PPP2CA: variants seen among roughly 807,000 people sequenced by gnomAD.
PPP2CA encodes the protein serine/threonine-protein phosphatase 2A catalytic subunit alpha isoform.
PPP2CA carries 5 observed loss-of-function variants against 38.8 expected under a neutral mutation model. The observed-to-expected ratio is 0.13, with a 90% CI of 0.07 to 0.27. The LOEUF (loss-of-function observed/expected upper bound fraction) is 0.27. Among genes scored for constraint, PPP2CA ranks in the 10% least tolerant of loss-of-function variants. PPP2CA has a pLI of 1.00. For synonymous variants in PPP2CA, 152 were observed against 134.0 expected, an observed-to-expected ratio of 1.13 and a Z score of -0.93; for missense variants, 88 against 389.7, an observed-to-expected ratio of 0.23 and a Z score of 6.52.
At chr5:134,210,456 C>T (rs910925321) in intron 1 of PPP2CA, among the ~76,000 whole-genome samples, 1 of 152,152 alleles carries the variant, frequency 6.6e-6, no homozygotes, top group African/African-American at 2.4e-5. Context: ...CATACCAAAC[C>T]TTTTGCTTCC....
At chr5:134,199,654 G>T (rs1761932808) in intron 5 of PPP2CA, among the ~76,000 whole-genome samples, 1 of 152,298 alleles carries the variant, frequency 6.6e-6, no homozygotes. Context: ...TCAGTCACAG[G>T]TAAAGGCCTG....
chr5:134,225,029 CAT>C, intron 1 of PPP2CA, among the ~76,000 whole-genome samples: 1 of 152,332 alleles, frequency 6.6e-6, no homozygotes, highest in East Asian at 1.9e-4. Flanking sequence ...GCATATAAAT[CAT>C]ATTCAACCGA....
At chr5:134,217,468 A>C (rs1202860336) in intron 1 of PPP2CA, among the ~76,000 whole-genome samples, 1 of 152,228 alleles carries the variant, frequency 6.6e-6, no homozygotes, top group African/African-American at 2.4e-5. Flanking sequence ...TAAGAACTGA[A>C]ATCATTTGAA....
chr5:134,213,113 C>G (rs1051433214), intron 1 of PPP2CA, among the ~76,000 whole-genome samples: 1 of 152,182 alleles, frequency 6.6e-6, no homozygotes, highest in South Asian at 2.1e-4. Flanking sequence ...GACGAAATAG[C>G]CTTCTAGTGG....
intron 1 of PPP2CA, among the ~76,000 whole-genome samples, chr5:134,218,962 C>T (rs1281106380): frequency 6.6e-6 from 1 of 152,218 alleles, no homozygotes; most frequent in Non-Finnish European, 1.5e-5. Flanking sequence ...AGCCACTGTG[C>T]CCCGCCAGCC....
chr5:134,215,979 C>T (rs1466402792), intron 1 of PPP2CA, among the ~76,000 whole-genome samples: 4 of 152,134 alleles, frequency 2.6e-5, no homozygotes, highest in Non-Finnish European at 5.9e-5. Flanking sequence ...CTCTGATGGA[C>T]AACAGAGTAC....
At chr5:134,215,176 C>A (rs979638666) in intron 1 of PPP2CA, among the ~76,000 whole-genome samples, 3 of 150,990 alleles carry the variant, frequency 2.0e-5, no homozygotes, top group South Asian at 2.1e-4. Context: ...CAGCTCATTG[C>A]AGTCTAGATC....
intron 1 of PPP2CA, among the ~76,000 whole-genome samples, chr5:134,221,767 C>G (rs767875149): frequency 5.3e-5 from 8 of 151,848 alleles, no homozygotes; most frequent in Non-Finnish European, 7.4e-5. Context: ...GTCAGGAGTT[C>G]GAGACTAGCC....
At chr5:134,198,888 A>T (rs1006238516) in intron 6 of PPP2CA, among the ~76,000 whole-genome samples, 198 bp downstream of exon 6, 4 of 152,014 alleles carry the variant, frequency 2.6e-5, no homozygotes, top group African/African-American at 9.7e-5. Context: ...CCTCACATTT[A>T]AACTATGTAT....
At chr5:134,199,291 T>G in intron 5 of PPP2CA, 87 bp from the exon 6 acceptor site, 1 of 981,032 alleles carries the variant, frequency 1.0e-6, no homozygotes, top group East Asian at 2.4e-5. Flanking sequence ...AAATCTCTAC[T>G]CATTCCCACC....
At chr5:134,214,624 T>C (rs1039806078) in intron 1 of PPP2CA, among the ~76,000 whole-genome samples, 1 of 152,238 alleles carries the variant, frequency 6.6e-6, no homozygotes. Flanking sequence ...TTATTCCATG[T>C]TTATTTACCA....
At chr5:134,200,299 A>C (rs954493646) in intron 5 of PPP2CA, 36 bp downstream of exon 5, 1 of 1,557,572 alleles carries the variant, frequency 6.4e-7, no homozygotes, top group East Asian at 2.3e-5. Context: ...TAAGTTTACT[A>C]AAAAAACAAG....
At chr5:134,215,870 G>A (rs1762308608) in intron 1 of PPP2CA, among the ~76,000 whole-genome samples, 1 of 152,192 alleles carries the variant, frequency 6.6e-6, no homozygotes, top group Non-Finnish European at 1.5e-5. Context: ...AGATGAGACT[G>A]AGATAATAAC....
chr5:134,204,299 A>C (rs781203288), intron 2 of PPP2CA, among the ~76,000 whole-genome samples: 5 of 152,252 alleles, frequency 3.3e-5, no homozygotes, highest in Non-Finnish European at 5.9e-5. Flanking sequence ...AAAGTCAAAC[A>C]ATTTATTTAA....
intron 1 of PPP2CA, 167 bp downstream of exon 1, chr5:134,225,593 G>A (rs1762555628): frequency 5.6e-6 from 3 of 531,834 alleles, no homozygotes; most frequent in Non-Finnish European, 9.7e-6. Context: ...GGGAGGCAGG[G>A]GGCGCCGGGT....
rs1010703825 is a variant in PPP2CA at position 134,212,307 on chromosome 5, C to T, written c.103-6176G>A. On this transcript the variant is annotated intron_variant, in intron 1 of 6. Transcript: ENST00000481195. ...TGCTCACTTCTTGTCTTTGTCACAT[C>T]TTGGTACTTCTAAAATTATTTCAAA... Among the ~76,000 whole-genome samples the T allele has an allele frequency of 5.3e-5, 8 of 152,312 alleles. No homozygotes were observed. In the East Asian group the frequency reaches 1.5e-3, roughly 29 times the overall value.
At chr5:134,212,047 G>C (rs966830469) in intron 1 of PPP2CA, among the ~76,000 whole-genome samples, 1 of 152,134 alleles carries the variant, frequency 6.6e-6, no homozygotes, top group Non-Finnish European at 1.5e-5. Context: ...TTGAACCTGG[G>C]AGGCGAGGTT....
intron 2 of PPP2CA, 73 bp from the exon 3 acceptor site, chr5:134,202,094 T>C (rs991441173): frequency 7.8e-5 from 112 of 1,432,994 alleles, no homozygotes; most frequent in Middle Eastern, 2.1e-4. Context: ...AAACTTTCTA[T>C]AGAAAAAAAT....
At chr5:134,205,397 T>G (rs1244505328) in intron 2 of PPP2CA, among the ~76,000 whole-genome samples, 1 of 152,006 alleles carries the variant, frequency 6.6e-6, no homozygotes, top group African/African-American at 2.4e-5. Context: ...CCTTTTTTTT[T>G]TTTTGAGACA....
Sources: gnomAD v4.1 joint callset for allele counts (sites outside exome capture counted in the v4.1 genomes callset) on GRCh38, gnomAD v4.1.1 for gene constraint, MANE v1.5 for transcripts, NCBI Gene and HGNC (gene_info 2026-07-23, HGNC 2026-07-21) for gene names.